RXFP2: variants seen among roughly 807,000 people sequenced by gnomAD.
The protein encoded by RXFP2 is relaxin receptor 2.
In RXFP2, 68 loss-of-function variants were observed where a neutral mutation model predicts 88.6. The ratio of observed to expected loss-of-function variants is 0.77; its 90% CI spans 0.63 to 0.94. The LOEUF (loss-of-function observed/expected upper bound fraction) is 0.94, where lower values mean the gene tolerates loss of function less well. RXFP2 is among the 40% of genes least tolerant of loss of function. The pLI is 0.00. For synonymous variants in RXFP2, 329 were observed against 306.8 expected (o/e 1.07, Z -0.76); for missense variants, 791 against 893.9 (o/e 0.88, Z 1.47).
chr13:31,800,340 G>T (rs976526315), intron 17 of RXFP2, among the ~76,000 whole-genome samples: 8 of 152,156 alleles, frequency 5.3e-5, no homozygotes, highest in African/African-American at 1.4e-4. Flanking sequence ...GGAGGCCGAG[G>T]TGGGCAGATC....
In RXFP2 at chr13:31,739,747, C is replaced by CA. The variant is rs755446126; in HGVS notation, c.94+47dup. 4.2e-5 allele frequency: 50 copies of CA among 1,204,612 alleles called. No individual in the cohort carries two copies. The East Asian group carries it at 4.7e-4, about 11-fold the overall frequency. The allele number at this position is 1,204,612 out of a possible 1,614,324, so 74.6% of individuals were successfully genotyped here. A position where few individuals can be genotyped will look rare whatever the true frequency, so the allele number is the denominator to read the frequency against. ...TCTCGTTTTAAATGAGTGCAATTCC[C>CA]AAAAAATACATTTCTATGTAGTTCT... is the stretch of plus-strand genomic sequence containing the variant. On this transcript the variant is annotated intron_variant, in intron 1 of 17. Coordinates refer to ENST00000298386, the MANE Select transcript of RXFP2 (RefSeq NM_130806.5).
intron 5 of RXFP2, among the ~76,000 whole-genome samples, chr13:31,768,109 G>T (rs544426003): frequency 6.6e-6 from 1 of 152,176 alleles, no homozygotes; most frequent in Non-Finnish European, 1.5e-5. Context: ...AAAAGATAGA[G>T]ACTAACCTTT....
intron 1 of RXFP2, among the ~76,000 whole-genome samples, chr13:31,755,225 A>T (rs1167821093): frequency 2.0e-5 from 3 of 152,208 alleles, no homozygotes; most frequent in Non-Finnish European, 2.9e-5. Flanking sequence ...AATGTGTTTA[A>T]ATAGTGGGTC....
At chr13:31,780,447 G>T (rs1873212980) in intron 9 of RXFP2, among the ~76,000 whole-genome samples, 1 of 152,142 alleles carries the variant, frequency 6.6e-6, no homozygotes, top group South Asian at 2.1e-4. Context: ...GGAGAGTATG[G>T]TGTTTGTTAT....
At chr13:31,782,451 A>G (rs1873329139) in intron 10 of RXFP2, among the ~76,000 whole-genome samples, 1 of 152,230 alleles carries the variant, frequency 6.6e-6, no homozygotes, top group Admixed American at 6.5e-5. Context: ...AGCTTTCTAG[A>G]CCGCACTCAG....
rs919059943 is a variant in RXFP2, at chr13:31,748,672, C to T, written c.94+8966C>T. On this transcript the variant is annotated intron_variant, in intron 1 of 17. Transcript: ENST00000298386. ...CTACTCTGCAGCTTGTCTTTGCACT[C>T]TCTTAATGATGACTTTTTTTAAAAG... Among the ~76,000 whole-genome samples the T allele has an allele frequency of 2.6e-5, 4 of 152,232 alleles. No individual in the cohort carries two copies. In the East Asian group the frequency reaches 7.7e-4, roughly 29 times the overall value.
rs1566236474 is a variant in RXFP2 at position 31,793,039 on chromosome 13, C to A, written c.1737C>A (p.Asp579Glu). 1.2e-6 allele frequency: 2 copies of A among 1,613,192 alleles called. No individual in the cohort carries two copies. Among genetic ancestry groups the A allele is most frequent in the South Asian group, 2.2e-5 (2 of 91,054 alleles). The change falls in exon 16 of 18, where the codon GAC becomes GAA. Residue 579 changes from aspartate (D) to glutamate (E), a missense_variant. Physicochemically the swap from Asp to Glu is conservative, Grantham distance 45. Coordinates refer to ENST00000298386, the MANE Select transcript of RXFP2 (RefSeq NM_130806.5). ...GAGTATGTTTCCCACTTTATTATGA[C>A]CAAACAGAAGATATTGGAAGCAAAG... Reference protein sequence around the residue: ...KNGVCFPLYYDQTEDIGSKGY... With the variant: ...KNGVCFPLYYEQTEDIGSKGY...
intron 2 of RXFP2, among the ~76,000 whole-genome samples, chr13:31,761,503 T>C (rs1164546427): frequency 2.0e-5 from 3 of 152,240 alleles, no homozygotes; most frequent in Non-Finnish European, 4.4e-5. Context: ...TATACTTGCA[T>C]TGCAAATTTT....
At chr13:31,791,346 T>A (rs1253771529) in intron 14 of RXFP2, among the ~76,000 whole-genome samples, 1 of 152,166 alleles carries the variant, frequency 6.6e-6, no homozygotes, top group Non-Finnish European at 1.5e-5. Context: ...AAGAGGAGGC[T>A]AGTTAAAGTC....
intron 2 of RXFP2, among the ~76,000 whole-genome samples, chr13:31,759,426 A>AAAGAAAGAAAGAAG (rs1566218578): frequency 6.7e-6 from 1 of 149,020 alleles, no homozygotes; most frequent in Non-Finnish European, 1.5e-5. Flanking sequence ...AGAAAGAAAG[A>AAAGAAAGAAAGAAG]AAGAAAGAAA....
intron 1 of RXFP2, among the ~76,000 whole-genome samples, chr13:31,744,885 T>C (rs748480320): frequency 6.6e-6 from 1 of 152,156 alleles, no homozygotes; most frequent in East Asian, 1.9e-4. Context: ...TAAAGCTCTA[T>C]CAGCTGGGCG....
chr13:31,786,662 T>A (rs1338126222), intron 13 of RXFP2, 25 bp downstream of exon 13: 1 of 1,389,886 alleles, frequency 7.2e-7, no homozygotes, highest in South Asian at 1.2e-5. Context: ...ACAATTATAT[T>A]GATTATAATT....
rs1236646119 is a variant in RXFP2, at chr13:31,797,421, T to C, written c.2005+2T>C. ...CCCTCTTCCGGGTGGAAATACCAGGTCAGTCTCTTCTATCATTCCCAAGTA... is the reference window on the plus strand; with the variant it reads ...CCCTCTTCCGGGTGGAAATACCAGGCCAGTCTCTTCTATCATTCCCAAGTA... On this transcript the variant is annotated splice_donor_variant, in intron 17 of 17. Coordinates refer to ENST00000298386, the MANE Select transcript of RXFP2 (RefSeq NM_130806.5). LOFTEE classifies it high-confidence loss of function. 6.2e-7 allele frequency: 1 copy of C among 1,606,768 alleles called. No homozygotes were observed. The highest frequency in any genetic ancestry group is 8.5e-7 in the Non-Finnish European group (1 of 1,173,540).
chr13:31,757,086 A>T (rs912938583), intron 1 of RXFP2, among the ~76,000 whole-genome samples: 2 of 152,200 alleles, frequency 1.3e-5, no homozygotes, highest in Admixed American at 6.5e-5. Context: ...ACTTTTGTAA[A>T]TGTCGATTAT....
chr13:31,790,699 T>C (rs951640076), intron 14 of RXFP2, among the ~76,000 whole-genome samples: 4 of 152,046 alleles, frequency 2.6e-5, no homozygotes, highest in Non-Finnish European at 5.9e-5. Context: ...TGCTACAAAT[T>C]TAAATAAAGC....
At chr13:31,766,070 G>A (rs377728477) in intron 5 of RXFP2, 43 bp downstream of exon 5, 33 of 951,394 alleles carry the variant, frequency 3.5e-5, no homozygotes, top group Non-Finnish European at 5.0e-5. Context: ...AAAAATCCTC[G>A]TGGTGGTGTA....
rs539807948 is a variant in RXFP2, at chr13:31,800,104, G to A, written c.2006-2042G>A. The stretch of plus-strand genomic sequence containing the variant: ...AACCAGGAAAAATGTCATGATCACA[G>A]TTGACAAAGCTTCTTCTCGCTTGCC... On this transcript the variant is annotated intron_variant, in intron 17 of 17. Coordinates refer to ENST00000298386, the MANE Select transcript of RXFP2 (RefSeq NM_130806.5). Among the ~76,000 whole-genome samples the A allele has an allele frequency of 9.2e-4, 140 of 152,324 alleles. 1 individual carries two copies. The highest frequency in any genetic ancestry group is 3.2e-3 in the African/African-American group (132 of 41,566).
intron 1 of RXFP2, among the ~76,000 whole-genome samples, chr13:31,743,959 T>A (rs749539002): frequency 3.3e-5 from 5 of 152,112 alleles, no homozygotes; most frequent in Admixed American, 6.6e-5. Flanking sequence ...AATACATCTA[T>A]CCCTAGATTC....
At chr13:31,744,569 A>G (rs1871333382) in intron 1 of RXFP2, among the ~76,000 whole-genome samples, 1 of 152,206 alleles carries the variant, frequency 6.6e-6, no homozygotes, top group South Asian at 2.1e-4. Context: ...TCTGTGCCAT[A>G]TTATTCTCGA....
Sources: gnomAD v4.1 joint callset for allele counts (sites outside exome capture counted in the v4.1 genomes callset) on GRCh38, gnomAD v4.1.1 for gene constraint, MANE v1.5 for transcripts, NCBI Gene and HGNC (gene_info 2026-07-23, HGNC 2026-07-21) for gene names.